Variants in TBC1D5 observed in about 807,000 individuals in gnomAD.
The protein encoded by TBC1D5 is TBC1 domain family, member 5.
A neutral mutation model predicts 100.3 loss-of-function variants in TBC1D5; 75 were observed. The ratio of observed to expected loss-of-function variants is 0.75; its 90% CI spans 0.62 to 0.91. The LOEUF is 0.91. TBC1D5 is among the 40% of genes least tolerant of loss of function. The probability of loss-of-function intolerance (pLI) is 0.00; values close to 1 mark genes in which losing one functional copy is unlikely to be tolerated. For synonymous variants in TBC1D5, 323 were observed against 325.6 expected, an observed-to-expected ratio of 0.99 and a Z score of 0.09; for missense variants, 910 against 942.4, an observed-to-expected ratio of 0.97 and a Z score of 0.45.
chr3:17,306,864 C>T (rs891447329), intron 14 of TBC1D5, among the ~76,000 whole-genome samples: 21 of 152,028 alleles, frequency 1.4e-4, no homozygotes, highest in African/African-American at 4.8e-4. Flanking sequence ...ACTCAAATAT[C>T]TTTCTCTACT....
intron 1 of TBC1D5, among the ~76,000 whole-genome samples, chr3:17,682,574 C>T (rs2069642872): frequency 6.6e-6 from 1 of 151,396 alleles, no homozygotes; most frequent in Admixed American, 6.6e-5. Context: ...GTTAAACATA[C>T]ACTTTACAAG....
intron 1 of TBC1D5, among the ~76,000 whole-genome samples, chr3:17,690,486 G>A (rs1292270545): frequency 1.0e-4 from 3 of 29,628 alleles, no homozygotes; most frequent in Non-Finnish European, 2.1e-4. Flanking sequence ...AAAGTGCTGG[G>A]ATTACAGGCG....
intron 2 of TBC1D5, among the ~76,000 whole-genome samples, chr3:17,516,944 G>A (rs1057485103): frequency 5.9e-5 from 9 of 151,554 alleles, no homozygotes; most frequent in African/African-American, 2.2e-4. Context: ...TTAGGTCTTC[G>A]CACATCCCCA....
At chr3:17,685,110 A>G (rs1577457942) in intron 1 of TBC1D5, among the ~76,000 whole-genome samples, 1 of 152,068 alleles carries the variant, frequency 6.6e-6, no homozygotes, top group Admixed American at 6.5e-5. Context: ...TAAAATGAGT[A>G]TGCACATAAT....
chr3:17,483,139 C>T (rs1011552495), intron 3 of TBC1D5, among the ~76,000 whole-genome samples: 5 of 152,046 alleles, frequency 3.3e-5, no homozygotes, highest in African/African-American at 1.2e-4. Flanking sequence ...ACCCGAACTT[C>T]GACTATTGCC....
chr3:17,475,816 T>C (rs1244061993), intron 3 of TBC1D5, among the ~76,000 whole-genome samples: 1 of 152,128 alleles, frequency 6.6e-6, no homozygotes, highest in Non-Finnish European at 1.5e-5. Flanking sequence ...ATGGTCATAT[T>C]CAATTTTCTT....
At chr3:17,630,647 C>G (rs543490392) in intron 1 of TBC1D5, among the ~76,000 whole-genome samples, 28 of 152,246 alleles carry the variant, frequency 1.8e-4, no homozygotes, top group Middle Eastern at 3.4e-3. Flanking sequence ...AATGGCCTTA[C>G]AACGGCCTCT....
intron 1 of TBC1D5, among the ~76,000 whole-genome samples, chr3:17,715,894 T>C (rs985725274): frequency 1.3e-5 from 2 of 151,834 alleles, no homozygotes; most frequent in South Asian, 4.2e-4. Flanking sequence ...CCATCTCTAC[T>C]AAAAATATTT....
At chr3:17,341,107 A>T (rs1013101342) in intron 13 of TBC1D5, among the ~76,000 whole-genome samples, 9 of 152,226 alleles carry the variant, frequency 5.9e-5, no homozygotes, top group Admixed American at 2.0e-4. Flanking sequence ...CCTATAAAAC[A>T]ATCTGTCTTG....
intron 2 of TBC1D5, among the ~76,000 whole-genome samples, chr3:17,547,423 C>T (rs920452912): frequency 2.0e-5 from 3 of 152,114 alleles, no homozygotes; most frequent in African/African-American, 7.2e-5. Flanking sequence ...TCATCATATA[C>T]TTATAAAAAT....
chr3:17,203,903 C>A (rs554381871), intron 18 of TBC1D5, among the ~76,000 whole-genome samples: 1 of 152,318 alleles, frequency 6.6e-6, no homozygotes, highest in South Asian at 2.1e-4. Context: ...CTTCAACTGA[C>A]TGTCTGGGTA....
chr3:17,302,647 T>C (rs1251487916), intron 14 of TBC1D5, among the ~76,000 whole-genome samples: 1 of 152,110 alleles, frequency 6.6e-6, no homozygotes, highest in African/African-American at 2.4e-5. Flanking sequence ...ACACAATATT[T>C]TGCACACTAT....
intron 2 of TBC1D5, among the ~76,000 whole-genome samples, chr3:17,560,262 T>C (rs765030805): frequency 6.6e-6 from 1 of 152,054 alleles, no homozygotes; most frequent in Non-Finnish European, 1.5e-5. Flanking sequence ...GGTACTTCAG[T>C]GAATAACATA....
chr3:17,673,291 T>C (rs1398087914), intron 1 of TBC1D5, among the ~76,000 whole-genome samples: 1 of 150,752 alleles, frequency 6.6e-6, no homozygotes, highest in Non-Finnish European at 1.5e-5. Flanking sequence ...CTACTTATTT[T>C]CTGTACTTTC....
At chr3:17,737,654 A>ATTAT (rs1176258743) in intron 1 of TBC1D5, among the ~76,000 whole-genome samples, 1 of 152,122 alleles carries the variant, frequency 6.6e-6, no homozygotes, top group Admixed American at 6.5e-5. Context: ...CTCTTCCATA[A>ATTAT]AGTATCATAA....
intron 19 of TBC1D5, among the ~76,000 whole-genome samples, chr3:17,182,401 A>G (rs770918029): frequency 5.3e-5 from 8 of 152,240 alleles, no homozygotes; most frequent in Non-Finnish European, 1.0e-4. Flanking sequence ...CATTTTAATT[A>G]AAGTGTTTCC....
intron 1 of TBC1D5, among the ~76,000 whole-genome samples, chr3:17,663,351 G>GA (rs968741921): frequency 2.7e-5 from 4 of 149,008 alleles, no homozygotes; most frequent in East Asian, 4.0e-4. Context: ...ATCAAACACA[G>GA]AAAAAAAATA....
chr3:17,362,357 TGCAAATG>T (rs2091799594), intron 13 of TBC1D5, among the ~76,000 whole-genome samples: 1 of 152,340 alleles, frequency 6.6e-6, no homozygotes, highest in Non-Finnish European at 1.5e-5. Flanking sequence ...GGGGACAATT[TGCAAATG>T]CAAATCTCAA....
At chr3:17,624,136 C>T (rs1037414335) in intron 1 of TBC1D5, among the ~76,000 whole-genome samples, 1 of 152,246 alleles carries the variant, frequency 6.6e-6, no homozygotes, top group Non-Finnish European at 1.5e-5. Context: ...TTTTCCTAGG[C>T]ACAGCACTGT....
Sources: allele counts gnomAD v4.1 joint callset (sites outside exome capture counted in the v4.1 genomes callset), GRCh38; gene constraint gnomAD v4.1.1; transcripts MANE v1.5; gene names NCBI Gene and HGNC (gene_info 2026-07-23, HGNC 2026-07-21).